The following BANP variants were observed in gnomAD, a reference collection of about 807,000 sequenced individuals.
The protein encoded by BANP is protein BANP.
Under a neutral mutation model 68.1 loss-of-function variants are expected in BANP, and 11 were observed. The observed-to-expected ratio is 0.16, with a 90% CI of 0.10 to 0.27. BANP has a LOEUF of 0.27. BANP is among the 10% of genes least tolerant of loss of function. The pLI is 1.00. For missense variants in BANP, 504 were observed against 722.7 expected (o/e 0.70, Z 3.47); for synonymous variants, 329 against 303.2 (o/e 1.09, Z -0.88).
At chr16:88,005,760 A>G (rs1354027337) in intron 5 of BANP, among the ~76,000 whole-genome samples, 2 of 152,250 alleles carry the variant, frequency 1.3e-5, no homozygotes, top group Non-Finnish European at 2.9e-5. Context: ...CCTCGCCGGA[A>G]AAAAGACTCT....
chr16:88,055,988 G>A (rs1259656568), intron 11 of BANP, among the ~76,000 whole-genome samples: 1 of 152,226 alleles, frequency 6.6e-6, no homozygotes, highest in Non-Finnish European at 1.5e-5. Flanking sequence ...AACCCCCTGG[G>A]AAAGGTGTGG....
intron 12 of BANP, among the ~76,000 whole-genome samples, chr16:88,068,992 CACCCA>C (rs1280417822): frequency 1.3e-5 from 2 of 151,858 alleles, no homozygotes; most frequent in Non-Finnish European, 1.5e-5. Context: ...CCTGCCCCTG[CACCCA>C]GCCCAGCCCA....
Position 88,071,840 on chromosome 16 carries a change from C to T in BANP, c.1378-229C>T, listed in dbSNP as rs906921323. ...CTGTAGGTGCTTGAGGGCGGAGTTG[C>T]AGATCCAGCAGAGACTCGATGGCAC... On this transcript the variant is annotated intron_variant, in intron 12 of 13. Transcript: ENST00000682872. This position sits in a 1 kb window ranked among gnomAD's most constrained non-coding sequence, Gnocchi z 6.5. 10 of 703,684 alleles carry T rather than the reference C, an allele frequency of 1.4e-5. No individual in the cohort carries two copies. In the East Asian group the frequency reaches 2.7e-4, roughly 19 times the overall value. The allele number at this position is 703,684 out of a possible 1,614,324, so 43.6% of individuals were successfully genotyped here. A position where few individuals can be genotyped will look rare whatever the true frequency, so the allele number is the denominator to read the frequency against.
At chr16:87,974,950 G>A (rs929626979) in intron 1 of BANP, 98 bp from the exon 2 acceptor site, 4 of 605,352 alleles carry the variant, frequency 6.6e-6, no homozygotes, top group Non-Finnish European at 8.9e-6. Context: ...ACAGACGTTC[G>A]CGGCCTCTTG....
At chr16:88,040,212 G>C (rs1448897033) in intron 11 of BANP, among the ~76,000 whole-genome samples, 2 of 151,548 alleles carry the variant, frequency 1.3e-5, no homozygotes, top group African/African-American at 4.8e-5. Context: ...CTTTTCTGGT[G>C]AATCTGTGTA....
At chr16:87,953,611 C>T (rs1236924033) in intron 1 of BANP, among the ~76,000 whole-genome samples, 2 of 152,162 alleles carry the variant, frequency 1.3e-5, no homozygotes, top group African/African-American at 4.8e-5. Context: ...TGTGTTAGGC[C>T]TATGCAAATA....
intron 13 of BANP, among the ~76,000 whole-genome samples, chr16:88,075,243 G>C (rs1161354956): frequency 6.6e-6 from 1 of 152,210 alleles, no homozygotes; most frequent in East Asian, 1.9e-4. Flanking sequence ...CTGCTCGGGA[G>C]GCTGAGGCAG....
intron 1 of BANP, chr16:87,956,699 AGTCGTAG>A (rs1597695149): frequency 1.3e-5 from 2 of 152,018 alleles, no homozygotes; most frequent in Admixed American, 6.5e-5. Flanking sequence ...CTTTGGTTGT[AGTCGTAG>A]ACAAGCTCAG....
intron 11 of BANP, among the ~76,000 whole-genome samples, chr16:88,041,830 T>G (rs929085583): frequency 6.6e-6 from 1 of 152,122 alleles, no homozygotes; most frequent in African/African-American, 2.4e-5. Flanking sequence ...TGCAGGTGAG[T>G]GTGAGCCTGC....
intron 6 of BANP, among the ~76,000 whole-genome samples, chr16:88,014,002 C>T (rs561162899): frequency 2.2e-4 from 33 of 152,208 alleles, no homozygotes; most frequent in Non-Finnish European, 4.0e-4. Context: ...GCCGCAAACA[C>T]AGGCCAGCAC....
chr16:88,048,456 T>G (rs1860509287), intron 11 of BANP, among the ~76,000 whole-genome samples: 1 of 151,962 alleles, frequency 6.6e-6, no homozygotes, highest in Non-Finnish European at 1.5e-5. Context: ...CACCGCAGAT[T>G]TAAGAAAGGA....
At chr16:88,027,769 C>G in intron 8 of BANP, 119 bp downstream of exon 8, 1 of 1,253,244 alleles carries the variant, frequency 8.0e-7, no homozygotes, top group Non-Finnish European at 1.1e-6. Flanking sequence ...GAGCCGAGGC[C>G]AGAGGCTTGC....
rs190660823 is a variant in BANP at position 88,004,138 on chromosome 16, C to G, written c.363-157C>G. On this transcript the variant is annotated intron_variant, in intron 4 of 13. Transcript: ENST00000682872. The surrounding 1 kb of genome is among the most constrained non-coding windows in gnomAD (Gnocchi z 7.0). The stretch of plus-strand genomic sequence containing the variant: ...ATTTGGGGCTCCTTCCCCCTCAGGA[C>G]GGGTCCCTGGGAGTGGACTATGTTG... Among the ~76,000 whole-genome samples, 1 of 152,200 alleles carries G rather than the reference C, an allele frequency of 6.6e-6. No individual in the cohort carries two copies. Among genetic ancestry groups the G allele is most frequent in the Non-Finnish European group, 1.5e-5 (1 of 68,038 alleles).
chr16:87,981,231 G>A, intron 3 of BANP, 104 bp downstream of exon 3: 1 of 847,140 alleles, frequency 1.2e-6, no homozygotes, highest in Non-Finnish European at 2.0e-6. Flanking sequence ...TAGCCTCTCA[G>A]CTGTGGAGGC....
intron 8 of BANP, among the ~76,000 whole-genome samples, chr16:88,028,068 G>A (rs2077353469): frequency 6.6e-6 from 1 of 152,214 alleles, no homozygotes; most frequent in Non-Finnish European, 1.5e-5. Flanking sequence ...TTATCCACAA[G>A]ATAATGGAAA....
rs951221986 is a variant in BANP, at chr16:88,071,898, A to G, written c.1378-171A>G. On this transcript the variant is annotated intron_variant, in intron 12 of 13. Transcript: ENST00000682872. This position sits in a 1 kb window ranked among gnomAD's most constrained non-coding sequence, Gnocchi z 6.5. ...CTGGATCTGATGCGACTTGAGAGCG[A>G]TGGGGAGACAGGATGTGCCGCAGAG... The G allele has an allele frequency of 3.5e-6, 3 of 845,250 alleles. No homozygotes were observed. In the Admixed American group the frequency reaches 6.1e-5, roughly 17 times the overall value. The allele number at this position is 845,250 out of a possible 1,614,324, so 52.4% of individuals were successfully genotyped here. A position where few individuals can be genotyped will look rare whatever the true frequency, so the allele number is the denominator to read the frequency against.
At chr16:88,050,832 T>G (rs1369071978) in intron 11 of BANP, among the ~76,000 whole-genome samples, 1 of 152,016 alleles carries the variant, frequency 6.6e-6, no homozygotes, top group Non-Finnish European at 1.5e-5. Context: ...GGACTACAGG[T>G]GCGCACCACC....
At chr16:88,029,351 T>C (rs2077633937) in intron 8 of BANP, among the ~76,000 whole-genome samples, 1 of 144,524 alleles carries the variant, frequency 6.9e-6, no homozygotes, top group Non-Finnish European at 1.5e-5. Context: ...GGCTCACGCA[T>C]GTAATCCCAG....
chr16:88,018,693 CTG>C lies in BANP; in HGVS notation c.895+27_895+28del, dbSNP rs1449305979. 2 of 1,546,348 alleles carry C rather than the reference CTG, an allele frequency of 1.3e-6. No homozygotes were observed. The highest frequency in any genetic ancestry group is 2.0e-5 in the Admixed American group (1 of 51,124). On this transcript the variant is annotated intron_variant, in intron 7 of 13. Coordinates refer to ENST00000682872, the MANE Select transcript of BANP (RefSeq NM_001386991.1). The surrounding 1 kb of genome is among the most constrained non-coding windows in gnomAD (Gnocchi z 7.7). ...GTAAGTCGGGCCCCGCCTTGGGGGA[CTG>C]GGGTGTGCGGGGAGCTGGGTCAGGA...
Sources: gnomAD v4.1 joint callset for allele counts (sites outside exome capture counted in the v4.1 genomes callset) on GRCh38, gnomAD v4.1.1 for gene constraint, Gnocchi (gnomAD v3.1) non-coding constraint, MANE v1.5 for transcripts, NCBI Gene and HGNC (gene_info 2026-07-23, HGNC 2026-07-21) for gene names.